DIAPH3: variants seen among roughly 807,000 people sequenced by gnomAD.
The protein encoded by DIAPH3 is diaphanous related formin 3, also known as protein diaphanous homolog 3.
Under a neutral mutation model 144.3 loss-of-function variants are expected in DIAPH3, and 117 were observed. The observed-to-expected ratio is 0.81, with a 90% CI of 0.70 to 0.95. The LOEUF (loss-of-function observed/expected upper bound fraction) is 0.95, where lower values mean the gene tolerates loss of function less well. Ranked by LOEUF, DIAPH3 falls within the 40% of genes least tolerant of loss-of-function variation. The probability of loss-of-function intolerance (pLI) is 0.00; values close to 1 mark genes in which losing one functional copy is unlikely to be tolerated. For synonymous variants in DIAPH3, 519 were observed against 488.9 expected, an observed-to-expected ratio of 1.06 and a Z score of -0.81; for missense variants, 1,421 against 1,412.7, an observed-to-expected ratio of 1.01 and a Z score of -0.09.
chr13:59,675,857 C>T (rs1285847878), intron 27 of DIAPH3, among the ~76,000 whole-genome samples: 1 of 152,152 alleles, frequency 6.6e-6, no homozygotes, highest in Non-Finnish European at 1.5e-5. Context: ...GGAAAAAGCA[C>T]TTCCCAAGGA....
At chr13:60,139,012 C>G (rs2059367776) in intron 1 of DIAPH3, among the ~76,000 whole-genome samples, 1 of 152,106 alleles carries the variant, frequency 6.6e-6, no homozygotes, top group African/African-American at 2.4e-5. Context: ...ATTTCTAGCC[C>G]ACACACCTGT....
chr13:60,163,896 A>C lies in DIAPH3; in HGVS notation c.-130T>G. Reference sequence around the variant, plus strand: ...CAAACAGTCAGCACAGCCTAGCCCAACCGCTGAAGTCGGGGCCGCAGCCAA... The same window carrying C: ...CAAACAGTCAGCACAGCCTAGCCCACCCGCTGAAGTCGGGGCCGCAGCCAA... On this transcript the variant is annotated 5_prime_UTR_variant, in exon 1 of 28. Transcript: ENST00000400324. 2 of 1,202,278 alleles carry C rather than the reference A, an allele frequency of 1.7e-6. No homozygotes were observed. Among genetic ancestry groups the C allele is most frequent in the African/African-American group, 1.5e-5 (1 of 65,264 alleles). The allele number at this position is 1,202,278 out of a possible 1,614,324, so 74.5% of individuals were successfully genotyped here.
chr13:59,826,028 T>C (rs1016025250), intron 24 of DIAPH3, among the ~76,000 whole-genome samples: 1 of 152,034 alleles, frequency 6.6e-6, no homozygotes, highest in African/African-American at 2.4e-5. Flanking sequence ...ATGGGACATA[T>C]CTCAAAATAA....
intron 1 of DIAPH3, among the ~76,000 whole-genome samples, chr13:60,151,383 C>A (rs1247092622): frequency 1.3e-5 from 2 of 152,192 alleles, no homozygotes; most frequent in Non-Finnish European, 2.9e-5. Context: ...GAGTCTCTCT[C>A]AAGTCTTTTT....
intron 23 of DIAPH3, 31 bp from the exon 24 acceptor site, chr13:59,833,302 A>G (rs750891217): frequency 6.4e-7 from 1 of 1,564,546 alleles, no homozygotes. Context: ...TCTGAAATTT[A>G]CAAAGTAATG....
Position 59,861,518 on chromosome 13 carries a change from C to T in DIAPH3, c.2626G>A (p.Ala876Thr), listed in dbSNP as rs1230903797. 1 of 1,613,690 alleles carries T rather than the reference C, an allele frequency of 6.2e-7. No individual in the cohort carries two copies. The highest frequency in any genetic ancestry group is 1.7e-5 in the Admixed American group (1 of 59,998). The change falls in exon 22 of 28, where the codon GCA becomes ACA. Residue 876 changes from alanine to threonine, a missense_variant. Ala to Thr is a moderately conservative substitution (Grantham distance 58). Coordinates refer to ENST00000400324, the MANE Select transcript of DIAPH3 (RefSeq NM_001042517.2). ...SLCKLKDTKS[A>T]DQKTTLLHFL... ...TGAAGTAGCGTTGTTTTCTGATCTG[C>T]TGATTTTGTGTCCTTTAGCTAAATA...
At chr13:59,735,058 T>A (rs1456284868) in intron 27 of DIAPH3, among the ~76,000 whole-genome samples, 1 of 152,176 alleles carries the variant, frequency 6.6e-6, no homozygotes, top group Non-Finnish European at 1.5e-5. Context: ...TATGATGTCA[T>A]GTTTTAAATA....
Position 59,668,835 on chromosome 13 carries a change from A to ATG in DIAPH3, c.3320-1991_3320-1990dup. On this transcript the variant is annotated intron_variant, in intron 27 of 27. Transcript: ENST00000400324. Reference sequence around the variant, plus strand: ...ACTATATATATACACATATATATATATGTATGTATACACACACACACACAC... The same window carrying ATG: ...ACTATATATATACACATATATATATATGTGTATGTATACACACACACACACAC... Among the ~76,000 whole-genome samples, 3 of 117,594 alleles carry ATG rather than the reference A, an allele frequency of 2.6e-5. No homozygotes were observed. The South Asian group carries it at 9.3e-4, about 36-fold the overall frequency. 77.1% of individuals were successfully genotyped at this position (117,594 alleles called of 152,430 possible).
intron 22 of DIAPH3, among the ~76,000 whole-genome samples, chr13:59,842,976 G>A (rs1287165069): frequency 6.6e-6 from 1 of 152,046 alleles, no homozygotes; most frequent in African/African-American, 2.4e-5. Flanking sequence ...TTAAATCACT[G>A]GCATTTGTGA....
chr13:59,682,729 A>C (rs1161941731), intron 27 of DIAPH3, among the ~76,000 whole-genome samples: 4 of 151,880 alleles, frequency 2.6e-5, no homozygotes, highest in Non-Finnish European at 4.4e-5. Flanking sequence ...ATTGTCTATA[A>C]TAATCTTTCA....
intron 27 of DIAPH3, among the ~76,000 whole-genome samples, chr13:59,762,679 C>A (rs1566274909): frequency 6.6e-6 from 1 of 151,814 alleles, no homozygotes; most frequent in Non-Finnish European, 1.5e-5. Context: ...CCTTTTAATA[C>A]AATTGTACAA....
chr13:59,969,925 A>G lies in DIAPH3; in HGVS notation c.2074+19T>C, dbSNP rs2050260009. On this transcript the variant is annotated intron_variant, in intron 17 of 27. Coordinates refer to ENST00000400324, the MANE Select transcript of DIAPH3 (RefSeq NM_001042517.2). ...AATTCTAAAATCAAATTAATAAATAATCAAGATGTTAAACTTACCTTTTTG... is the reference window on the plus strand; with the variant it reads ...AATTCTAAAATCAAATTAATAAATAGTCAAGATGTTAAACTTACCTTTTTG... 2.1e-6 allele frequency: 3 copies of G among 1,437,492 alleles called. No homozygotes were observed. The African/African-American group carries it at 4.2e-5, about 20-fold the overall frequency. The allele number at this position is 1,437,492 out of a possible 1,614,324, so 89.0% of individuals were successfully genotyped here.
At chr13:59,720,019 A>G (rs1378157894) in intron 27 of DIAPH3, among the ~76,000 whole-genome samples, 1 of 152,178 alleles carries the variant, frequency 6.6e-6, no homozygotes, top group Non-Finnish European at 1.5e-5. Flanking sequence ...CTGGAGGACA[A>G]TGGGCTATGT....
At chr13:59,836,936 C>A (rs1263666251) in intron 23 of DIAPH3, among the ~76,000 whole-genome samples, 1 of 151,896 alleles carries the variant, frequency 6.6e-6, no homozygotes, top group Non-Finnish European at 1.5e-5. Flanking sequence ...TCACAATTTG[C>A]CATTTTAATA....
intron 27 of DIAPH3, among the ~76,000 whole-genome samples, chr13:59,670,749 ATT>A (rs1233303726): frequency 2.6e-5 from 4 of 151,824 alleles, no homozygotes; most frequent in Non-Finnish European, 5.9e-5. Context: ...CGCCCGGCTA[ATT>A]TTTTTGCATT....
At chr13:59,867,086 T>G (rs1424182630) in intron 21 of DIAPH3, among the ~76,000 whole-genome samples, 1 of 148,668 alleles carries the variant, frequency 6.7e-6, no homozygotes, top group Non-Finnish European at 1.5e-5. Flanking sequence ...TATTTTTAAA[T>G]ATATATTTTA....
At chr13:60,100,868 G>A (rs1255006026) in intron 3 of DIAPH3, among the ~76,000 whole-genome samples, 1 of 152,090 alleles carries the variant, frequency 6.6e-6, no homozygotes, top group Non-Finnish European at 1.5e-5. Context: ...TGAATTGAGG[G>A]AGGAAAGGAG....
At chr13:60,095,994 A>C (rs1400908903) in intron 3 of DIAPH3, among the ~76,000 whole-genome samples, 1 of 152,176 alleles carries the variant, frequency 6.6e-6, no homozygotes, top group African/African-American at 2.4e-5. Flanking sequence ...CAAGAGTATG[A>C]ATTTACTATA....
At chr13:59,725,778 C>T (rs1760972885) in intron 27 of DIAPH3, among the ~76,000 whole-genome samples, 1 of 152,156 alleles carries the variant, frequency 6.6e-6, no homozygotes, top group Non-Finnish European at 1.5e-5. Flanking sequence ...GTAGAACTGT[C>T]ACAGAAGGGG....
Sources: allele counts gnomAD v4.1 joint callset (sites outside exome capture counted in the v4.1 genomes callset), GRCh38; gene constraint gnomAD v4.1.1; transcripts MANE v1.5; gene names NCBI Gene and HGNC (gene_info 2026-07-23, HGNC 2026-07-21).